The following WDPCP variants were observed in gnomAD, a reference collection of about 807,000 sequenced individuals.
The protein encoded by WDPCP is WD repeat containing planar cell polarity effector.
In WDPCP, 71 loss-of-function variants were observed where a neutral mutation model predicts 93.1. The observed-to-expected ratio is 0.76, with a 90% confidence interval of 0.63 to 0.93. The LOEUF (loss-of-function observed/expected upper bound fraction) is 0.93. Among genes scored for constraint, WDPCP ranks in the 40% least tolerant of loss-of-function variants. The probability of loss-of-function intolerance (pLI) is 0.00; values close to 1 mark genes in which losing one functional copy is unlikely to be tolerated. For synonymous variants in WDPCP, 315 were observed against 315.0 expected, an observed-to-expected ratio of 1.00 and a Z score of 0.00; for missense variants, 844 against 887.4, an observed-to-expected ratio of 0.95 and a Z score of 0.62.
intron 13 of WDPCP, among the ~76,000 whole-genome samples, chr2:63,310,311 A>T (rs1326791895): frequency 6.6e-6 from 1 of 152,174 alleles, no homozygotes; most frequent in South Asian, 2.1e-4. Flanking sequence ...GGCCTTAAAT[A>T]TAAGAAAATT....
chr2:63,382,506 T>C (rs1692398021), intron 10 of WDPCP, among the ~76,000 whole-genome samples: 1 of 152,170 alleles, frequency 6.6e-6, no homozygotes. Context: ...AATGGTAGGT[T>C]ACAAAATCTT....
upstream of WDPCP, among the ~76,000 whole-genome samples, chr2:63,828,867 T>C (rs1461263081): frequency 6.6e-6 from 1 of 152,170 alleles, no homozygotes; most frequent in Admixed American, 6.6e-5. Context: ...TAAGTTTAAC[T>C]TTTTCTATTT....
intron 13 of WDPCP, among the ~76,000 whole-genome samples, chr2:63,273,716 A>G (rs1459124307): frequency 6.6e-6 from 1 of 152,142 alleles, no homozygotes; most frequent in Non-Finnish European, 1.5e-5. Flanking sequence ...TAAAAAACTA[A>G]AAAGAGACAA....
chr2:63,514,760 G>T (rs1702446569), intron 1 of WDPCP, among the ~76,000 whole-genome samples: 1 of 152,164 alleles, frequency 6.6e-6, no homozygotes, highest in South Asian at 2.1e-4. Context: ...AGCCAACCCT[G>T]CAATTGAAGC....
At chr2:63,545,410 T>C (rs574470192) in intron 1 of WDPCP, among the ~76,000 whole-genome samples, 17 of 151,460 alleles carry the variant, frequency 1.1e-4, no homozygotes, top group Middle Eastern at 3.4e-3. Context: ...TGAATGAAAA[T>C]GGAGGGCTTC....
At chr2:63,454,299 G>T (rs1289181544) in intron 6 of WDPCP, among the ~76,000 whole-genome samples, 1 of 151,690 alleles carries the variant, frequency 6.6e-6, no homozygotes, top group South Asian at 2.1e-4. Flanking sequence ...AGTGGGCATT[G>T]AACAATGAAC....
At chr2:63,528,867 G>C (rs1558760304) in intron 1 of WDPCP, among the ~76,000 whole-genome samples, 1 of 152,184 alleles carries the variant, frequency 6.6e-6, no homozygotes, top group Admixed American at 6.5e-5. Flanking sequence ...TCTTCCATTT[G>C]TTTGTGTCTT....
chr2:63,792,748 T>TC (rs898471793), intron 2 of WDPCP, among the ~76,000 whole-genome samples: 1 of 152,068 alleles, frequency 6.6e-6, no homozygotes, highest in African/African-American at 2.4e-5. Context: ...AGTAGGGGTT[T>TC]CTCATCATGG....
rs77546751 is a variant in WDPCP, at chr2:63,195,244, G to A, written c.1916-20412C>T. On this transcript the variant is annotated intron_variant, in intron 14 of 17. Coordinates refer to ENST00000272321, the MANE Select transcript of WDPCP (RefSeq NM_015910.7). The stretch of plus-strand genomic sequence containing the variant: ...CCTTTTTATTCAGTGTTTCATATAC[G>A]CAAATTTACAAACTGTTCAAATAAA... Among the ~76,000 whole-genome samples, 105 of 152,094 alleles carry A rather than the reference G, an allele frequency of 6.9e-4. 2 individuals are homozygous for A. In the East Asian group the frequency reaches 0.018, roughly 27 times the overall value.
intron 9 of WDPCP, among the ~76,000 whole-genome samples, chr2:63,417,091 A>T (rs575384951): frequency 5.9e-5 from 9 of 152,346 alleles, no homozygotes; most frequent in African/African-American, 2.2e-4. Flanking sequence ...AACTAAATGC[A>T]GGGGACAGGA....
chr2:63,405,532 AGTGTGTGTGTGTGT>A (rs55807956), intron 9 of WDPCP, among the ~76,000 whole-genome samples: 151 of 125,010 alleles, frequency 1.2e-3, no homozygotes, highest in Admixed American at 1.9e-3. Flanking sequence ...ATTTTGGTAT[AGTGTGTGTGTGTGT>A]GTGTGTGTGT....
chr2:63,697,988 G>A (rs758846040), intron 2 of WDPCP, among the ~76,000 whole-genome samples: 7 of 129,956 alleles, frequency 5.4e-5, no homozygotes, highest in Non-Finnish European at 8.2e-5. Context: ...TCGCTCTGTC[G>A]CCTGTTGCCC....
At chr2:63,451,812 T>C (rs1258250364) in intron 6 of WDPCP, among the ~76,000 whole-genome samples, 1 of 152,080 alleles carries the variant, frequency 6.6e-6, no homozygotes, top group Non-Finnish European at 1.5e-5. Flanking sequence ...ATAAACGTAA[T>C]CCAGCATATA....
chr2:63,546,195 A>G (rs1427598764), intron 1 of WDPCP, among the ~76,000 whole-genome samples: 2 of 152,222 alleles, frequency 1.3e-5, no homozygotes, highest in African/African-American at 4.8e-5. Flanking sequence ...GGTAACACTC[A>G]TTACTGTTCC....
intron 17 of WDPCP, among the ~76,000 whole-genome samples, chr2:63,135,173 T>C (rs1018923501): frequency 1.3e-5 from 2 of 152,166 alleles, no homozygotes; most frequent in Middle Eastern, 3.2e-3. Flanking sequence ...AATCTTAAAA[T>C]GGACCACATC....
At chr2:63,458,079 G>A (rs901814805) in intron 6 of WDPCP, among the ~76,000 whole-genome samples, 50 of 145,954 alleles carry the variant, frequency 3.4e-4, no homozygotes, top group Non-Finnish European at 3.1e-4. Context: ...AGCCGAGATC[G>A]CACCACCACA....
chr2:63,147,674 T>A (rs916732984), intron 17 of WDPCP, among the ~76,000 whole-genome samples: 24 of 152,138 alleles, frequency 1.6e-4, no homozygotes, highest in African/African-American at 5.6e-4. Flanking sequence ...TTTTAGAAAG[T>A]TACAGCCTAA....
chr2:63,771,503 A>T (rs1044851611), intron 2 of WDPCP, among the ~76,000 whole-genome samples: 2 of 152,000 alleles, frequency 1.3e-5, no homozygotes, highest in Admixed American at 6.6e-5. Flanking sequence ...AAACTCTTCA[A>T]GGGAATAAAC....
rs187511612 is a variant in WDPCP at position 63,580,478 on chromosome 2, T to C, written c.75+7719A>G. Among the ~76,000 whole-genome samples, 251 of 152,322 alleles carry C rather than the reference T, an allele frequency of 1.6e-3. 1 individual carries two copies. The highest frequency in any genetic ancestry group is 5.1e-3 in the Admixed American group (78 of 15,304). On this transcript the variant is annotated intron_variant, in intron 1 of 17. Transcript: ENST00000272321. ...TAAATAATAAGACATACTGATTTAA[T>C]GCTCTGATAAGGCCACAACATCACC...
Sources: gnomAD v4.1 joint callset for allele counts (sites outside exome capture counted in the v4.1 genomes callset) on GRCh38, gnomAD v4.1.1 for gene constraint, MANE v1.5 for transcripts, NCBI Gene and HGNC (gene_info 2026-07-23, HGNC 2026-07-21) for gene names.